The following SCAPER variants were observed in gnomAD, a reference collection of about 807,000 sequenced individuals.
SCAPER encodes S-phase cyclin A associated protein in the ER, also known as S phase cyclin A-associated protein in the endoplasmic reticulum.
Under a neutral mutation model 182.2 loss-of-function variants are expected in SCAPER, and 98 were observed. The observed-to-expected ratio is 0.54, with a 90% CI of 0.46 to 0.64. The LOEUF is 0.64. Ranked by LOEUF, SCAPER falls within the 30% of genes least tolerant of loss-of-function variation. The pLI is 0.00. For missense variants in SCAPER, 1,432 were observed against 1,690.0 expected (o/e 0.85, Z 2.68); for synonymous variants, 605 against 564.6 (o/e 1.07, Z -1.01).
intron 23 of SCAPER, among the ~76,000 whole-genome samples, chr15:76,573,191 CAA>C: frequency 6.6e-6 from 1 of 152,110 alleles, no homozygotes; most frequent in East Asian, 1.9e-4. Flanking sequence ...TTCTAAAAAA[CAA>C]TGATACACCT....
chr15:76,743,493 C>G (rs1464878268), intron 15 of SCAPER, among the ~76,000 whole-genome samples: 1 of 152,108 alleles, frequency 6.6e-6, no homozygotes, highest in African/African-American at 2.4e-5. Context: ...AGTAGCATTT[C>G]TATCCACCAA....
intron 29 of SCAPER, among the ~76,000 whole-genome samples, chr15:76,357,150 T>TCACACACACACACACACACACACACA (rs55912416): frequency 2.8e-4 from 36 of 128,952 alleles, no homozygotes; most frequent in Admixed American, 1.6e-3. Context: ...TTTATTGACA[T>TCACACACACACACACACACACACACA]CACACACACA....
At chr15:76,422,643 C>G (rs2046125622) in intron 26 of SCAPER, among the ~76,000 whole-genome samples, 1 of 152,182 alleles carries the variant, frequency 6.6e-6, no homozygotes, top group Non-Finnish European at 1.5e-5. Context: ...CTGGCCAGAA[C>G]TTCCAACACT....
intron 23 of SCAPER, among the ~76,000 whole-genome samples, chr15:76,541,311 TCAA>T (rs918445442): frequency 1.3e-5 from 2 of 152,166 alleles, no homozygotes; most frequent in African/African-American, 4.8e-5. Context: ...GCTGCTCTAA[TCAA>T]CTTTATATTT....
chr15:76,389,957 AC>A lies in SCAPER; in HGVS notation c.3468-8343del, dbSNP rs143608448. On this transcript the variant is annotated intron_variant, in intron 27 of 31. Transcript: ENST00000563290. ...GAGTTTCAGGTGAACTCAAAGAGGA[AC>A]CTTTTTTTTTTCTTTTGAGGCAGGG... Among the ~76,000 whole-genome samples, 410 of 151,696 alleles carry A rather than the reference AC, an allele frequency of 2.7e-3. 3 individuals are homozygous for A. The highest frequency in any genetic ancestry group is 7.7e-3 in the African/African-American group (318 of 41,290).
intron 16 of SCAPER, among the ~76,000 whole-genome samples, chr15:76,730,219 C>T (rs1270657780): frequency 3.9e-5 from 6 of 151,978 alleles, no homozygotes; most frequent in African/African-American, 1.4e-4. Flanking sequence ...TTCATCTCCA[C>T]AACAAGCTCT....
chr15:76,903,114 T>C (rs2074890646), intron 1 of SCAPER, among the ~76,000 whole-genome samples: 1 of 152,060 alleles, frequency 6.6e-6, no homozygotes, highest in Non-Finnish European at 1.5e-5. Context: ...TCCCTTCATC[T>C]TACTTATCTT....
intron 21 of SCAPER, among the ~76,000 whole-genome samples, chr15:76,627,303 G>T (rs1281515912): frequency 2.0e-5 from 3 of 151,668 alleles, no homozygotes; most frequent in South Asian, 2.1e-4. Context: ...ATAGTATATT[G>T]TAAGTGTCAC....
chr15:76,794,462 G>A lies in SCAPER; in HGVS notation c.772+818C>T, dbSNP rs533750005. Among the ~76,000 whole-genome samples the A allele has an allele frequency of 3.9e-5, 6 of 151,990 alleles. 1 individual carries two copies. The highest frequency in any genetic ancestry group is 1.4e-4 in the African/African-American group (6 of 41,434). ...CTACTACTAAGTTAGTATGAAGAGG[G>A]GCAATATATTGAAGTAAGCCAACAC... On this transcript the variant is annotated intron_variant, in intron 8 of 31. Coordinates refer to ENST00000563290, the MANE Select transcript of SCAPER (RefSeq NM_020843.4).
At chr15:76,727,999 C>T (rs1375759596) in intron 17 of SCAPER, among the ~76,000 whole-genome samples, 1 of 152,036 alleles carries the variant, frequency 6.6e-6, no homozygotes, top group Non-Finnish European at 1.5e-5. Context: ...ATTAAAACCA[C>T]AAAGAGCTAT....
intron 21 of SCAPER, among the ~76,000 whole-genome samples, chr15:76,649,647 A>G (rs1043200853): frequency 2.0e-5 from 3 of 151,018 alleles, no homozygotes; most frequent in Non-Finnish European, 4.4e-5. Context: ...CAGATACAGT[A>G]AAAAAGAAAA....
intron 24 of SCAPER, among the ~76,000 whole-genome samples, chr15:76,494,867 A>T (rs538977165): frequency 1.3e-5 from 2 of 152,198 alleles, no homozygotes; most frequent in Non-Finnish European, 2.9e-5. Flanking sequence ...CAGACTGATA[A>T]TATTTCTCTC....
chr15:76,795,705 G>C, intron 7 of SCAPER, among the ~76,000 whole-genome samples: 1 of 152,036 alleles, frequency 6.6e-6, no homozygotes, highest in Admixed American at 6.6e-5. Flanking sequence ...CTTAAATGAG[G>C]AAGCTTTTAA....
chr15:76,734,184 A>G (rs2061097347), intron 15 of SCAPER, among the ~76,000 whole-genome samples: 1 of 152,236 alleles, frequency 6.6e-6, no homozygotes, highest in Admixed American at 6.5e-5. Context: ...TGAACTATAC[A>G]TTGCATCCTT....
intron 20 of SCAPER, among the ~76,000 whole-genome samples, chr15:76,697,290 G>C (rs998352596): frequency 2.6e-5 from 4 of 152,120 alleles, no homozygotes; most frequent in Non-Finnish European, 5.9e-5. Context: ...TTATACACTT[G>C]TTTTCAGGAA....
At position 76,470,175 on chromosome 15, in the gene SCAPER, G is replaced by A. The variant is rs73442176; in HGVS notation, c.3078+1037C>T. 4.5e-3 allele frequency among the ~76,000 whole-genome samples: 678 copies of A among 152,212 alleles called. 7 individuals carry two copies. The highest frequency in any genetic ancestry group is 0.015 in the African/African-American group (638 of 41,540). Reference sequence around the variant, plus strand: ...TTCACCCACACATACATACAATGACGTACTGAATCTACTAAGTGCCAGGTC... The same window carrying A: ...TTCACCCACACATACATACAATGACATACTGAATCTACTAAGTGCCAGGTC... On this transcript the variant is annotated intron_variant, in intron 25 of 31. Transcript: ENST00000563290.
intron 20 of SCAPER, among the ~76,000 whole-genome samples, chr15:76,692,990 C>G (rs1410417541): frequency 1.3e-5 from 2 of 152,068 alleles, no homozygotes; most frequent in African/African-American, 4.8e-5. Flanking sequence ...TCTGCTGCTT[C>G]TTTCAATTAC....
chr15:76,875,269 C>T (rs1465313802), intron 2 of SCAPER, among the ~76,000 whole-genome samples: 1 of 152,064 alleles, frequency 6.6e-6, no homozygotes. Context: ...CTAACAGGAC[C>T]ATACAGGAAA....
intron 24 of SCAPER, among the ~76,000 whole-genome samples, chr15:76,477,042 T>C (rs908451598): frequency 2.0e-5 from 3 of 152,120 alleles, no homozygotes; most frequent in Admixed American, 6.5e-5. Context: ...ATAATAGAAT[T>C]TGGAAAACTT....
Sources: gnomAD v4.1 joint callset for allele counts (sites outside exome capture counted in the v4.1 genomes callset) on GRCh38, gnomAD v4.1.1 for gene constraint, MANE v1.5 for transcripts, NCBI Gene and HGNC (gene_info 2026-07-23, HGNC 2026-07-21) for gene names.